Variants in KLF13 observed in about 807,000 individuals in gnomAD.
The protein encoded by KLF13 is Krueppel-like factor 13.
KLF13 carries 8 observed loss-of-function variants against 16.7 expected under a neutral mutation model. The ratio of observed to expected loss-of-function variants is 0.48; its 90% CI spans 0.28 to 0.87. The LOEUF is 0.87. KLF13 is among the 40% of genes least tolerant of loss of function. KLF13 has a pLI of 0.10. For missense variants in KLF13, 447 were observed against 452.2 expected (o/e 0.99, Z 0.10); for synonymous variants, 245 against 208.4 (o/e 1.18, Z -1.51).
At chr15:31,389,720 A>G (rs1443922361), upstream of KLF13, among the ~76,000 whole-genome samples, 6 of 152,162 alleles carry the variant, frequency 3.9e-5, no homozygotes, top group African/African-American at 1.2e-4. Context: ...AGCTTAGTCT[A>G]TAGTAAAAGT....
intron 1 of KLF13, among the ~76,000 whole-genome samples, chr15:31,348,726 T>A (rs1486513148): frequency 1.3e-5 from 2 of 152,062 alleles, no homozygotes; most frequent in Non-Finnish European, 2.9e-5. Flanking sequence ...CCCAGAGCTG[T>A]GGTGGAGGCT....
intron 1 of KLF13, 64 bp from the exon 2 acceptor site, chr15:31,371,946 C>T: frequency 2.0e-6 from 3 of 1,511,334 alleles, no homozygotes; most frequent in Non-Finnish European, 2.7e-6. Flanking sequence ...GCGGGCCCTT[C>T]CCCAGAGAGG....
chr15:31,382,641 T>C (rs2039740742), downstream of KLF13, among the ~76,000 whole-genome samples: 1 of 152,198 alleles, frequency 6.6e-6, no homozygotes, highest in Admixed American at 6.5e-5. Flanking sequence ...CAGCTCAGTG[T>C]GTCCAATGCA....
rs1215763237 is a variant in KLF13, at chr15:31,374,926, G to A, written c.*2627G>A. ...ACTTAATTTAATTTTTCCTTTAAAT[G>A]ACCCAGGGCTGTTCCGTCTGATAGA... is the stretch of plus-strand genomic sequence containing the variant. On this transcript the variant is annotated 3_prime_UTR_variant, in exon 2 of 2. Coordinates refer to ENST00000307145, the MANE Select transcript of KLF13 (RefSeq NM_015995.4). 6.6e-6 allele frequency: 1 copy of A among 152,618 alleles called. No homozygotes were observed. Among genetic ancestry groups the A allele is most frequent in the Non-Finnish European group, 1.5e-5 (1 of 68,030 alleles). 9.5% of individuals were successfully genotyped at this position (152,618 alleles called of 1,614,324 possible).
downstream of KLF13, among the ~76,000 whole-genome samples, chr15:31,404,918 G>A (rs1445990283): frequency 1.3e-5 from 2 of 152,196 alleles, no homozygotes; most frequent in Non-Finnish European, 2.9e-5. Context: ...GGTATGGATG[G>A]AGAGAACAGT....
At chr15:31,392,871 C>G (rs1412555984) in exon 1 of KLF13, 2 of 151,492 alleles carry the variant, frequency 1.3e-5, no homozygotes, top group East Asian at 2.0e-4. Context: ...AGGCGGCTGC[C>G]GTGAGCCGGT....
chr15:31,423,117 A>ATATACG (rs1340654655), intron 1 of KLF13, among the ~76,000 whole-genome samples: 1 of 126,932 alleles, frequency 7.9e-6, no homozygotes, highest in Admixed American at 7.4e-5. Context: ...GTATACGTAT[A>ATATACG]TATACGTATA....
downstream of KLF13, among the ~76,000 whole-genome samples, chr15:31,379,990 A>T (rs1254778145): frequency 6.6e-6 from 1 of 152,180 alleles, no homozygotes; most frequent in Admixed American, 6.5e-5. Flanking sequence ...TCACAGTGAC[A>T]TCTGCCCCTC....
At chr15:31,334,557 A>G (rs917367138) in intron 1 of KLF13, among the ~76,000 whole-genome samples, 5 of 151,756 alleles carry the variant, frequency 3.3e-5, no homozygotes, top group African/African-American at 1.2e-4. Context: ...CCTCCCAAGT[A>G]GCTGGGATTA....
intron 1 of KLF13, among the ~76,000 whole-genome samples, chr15:31,352,196 C>T (rs112007633): frequency 6.6e-6 from 1 of 152,348 alleles, no homozygotes; most frequent in African/African-American, 2.4e-5. Flanking sequence ...GAATAGGCCT[C>T]CCCTGGACAC....
At chr15:31,329,022 CT>C (rs200393648) in intron 1 of KLF13, among the ~76,000 whole-genome samples, 1 of 151,904 alleles carries the variant, frequency 6.6e-6, no homozygotes, top group African/African-American at 2.4e-5. Context: ...CTGAAGGCCC[CT>C]TTTTTTTACC....
At chr15:31,364,822 A>T (rs940984482) in intron 1 of KLF13, among the ~76,000 whole-genome samples, 5 of 152,232 alleles carry the variant, frequency 3.3e-5, no homozygotes, top group African/African-American at 1.2e-4. Flanking sequence ...AGCCATGTGC[A>T]TGTCAGCTCC....
chr15:31,378,695 C>T (rs954074423), downstream of KLF13, among the ~76,000 whole-genome samples: 1 of 152,146 alleles, frequency 6.6e-6, no homozygotes, highest in South Asian at 2.1e-4. Flanking sequence ...TCATACATGA[C>T]TACCTGTTCT....
chr15:31,399,753 TG>T (rs2040008344), intron 2 of KLF13, among the ~76,000 whole-genome samples: 1 of 152,212 alleles, frequency 6.6e-6, no homozygotes, highest in African/African-American at 2.4e-5. Context: ...CACCAGCCAC[TG>T]GGAGGGAGGG....
Position 31,375,030 on chromosome 15 carries a change from A to G in KLF13, c.*2731A>G, listed in dbSNP as rs998500667. 6.6e-6 allele frequency: 1 copy of G among 152,586 alleles called. No individual in the cohort carries two copies. The highest frequency in any genetic ancestry group is 1.5e-5 in the Non-Finnish European group (1 of 68,040). The allele number at this position is 152,586 out of a possible 1,614,324, so 9.5% of individuals were successfully genotyped here. A position where few individuals can be genotyped will look rare whatever the true frequency, so the allele number is the denominator to read the frequency against. On this transcript the variant is annotated 3_prime_UTR_variant, in exon 2 of 2. Transcript: ENST00000307145. ...GCATAAGAGCGTGTCTTCATTCCCA[A>G]AGTGGTTCTCGTTTAATGGCAGGGT...
chr15:31,424,946 G>A (rs866058177), intron 1 of KLF13, among the ~76,000 whole-genome samples: 9 of 144,682 alleles, frequency 6.2e-5, no homozygotes, highest in African/African-American at 2.4e-4. Context: ...AAAGTTGCAG[G>A]GTACAAAAAT....
chr15:31,361,628 C>G (rs148073261), intron 1 of KLF13, among the ~76,000 whole-genome samples: 2 of 151,980 alleles, frequency 1.3e-5, no homozygotes, highest in Non-Finnish European at 2.9e-5. Context: ...AAGTGGGCCA[C>G]GATGGTTGCC....
At chr15:31,410,736 G>A (rs1399333813) in intron 1 of KLF13, among the ~76,000 whole-genome samples, 1 of 152,012 alleles carries the variant, frequency 6.6e-6, no homozygotes, top group African/African-American at 2.4e-5. Flanking sequence ...TCCTAAACAT[G>A]TATATGCCTA....
chr15:31,344,100 C>T (rs986017922), intron 1 of KLF13, among the ~76,000 whole-genome samples: 2 of 152,172 alleles, frequency 1.3e-5, no homozygotes, highest in Non-Finnish European at 2.9e-5. Flanking sequence ...CTGGGACAAA[C>T]ACCTGCCAAT....
Sources: allele counts gnomAD v4.1 joint callset (sites outside exome capture counted in the v4.1 genomes callset), GRCh38; gene constraint gnomAD v4.1.1; transcripts MANE v1.5; gene names NCBI Gene and HGNC (gene_info 2026-07-23, HGNC 2026-07-21).